Variants in TBC1D23 observed in about 807,000 individuals in gnomAD.
TBC1D23 encodes TBC1 domain family member 23.
Under a neutral mutation model 91.4 loss-of-function variants are expected in TBC1D23, and 55 were observed. That is an observed-to-expected ratio of 0.60 (90% confidence interval 0.48 to 0.75). The LOEUF is 0.75. Among genes scored for constraint, TBC1D23 ranks in the 30% least tolerant of loss-of-function variants. TBC1D23 has a pLI of 0.00. For synonymous variants in TBC1D23, 289 were observed against 281.0 expected (o/e 1.03, Z -0.28); for missense variants, 725 against 836.1 (o/e 0.87, Z 1.64).
chr3:100,285,171 C>A (rs1258700226), intron 4 of TBC1D23, among the ~76,000 whole-genome samples: 1 of 152,082 alleles, frequency 6.6e-6, no homozygotes, highest in Non-Finnish European at 1.5e-5. Context: ...TTAATGTGTA[C>A]AATTCACTGG....
chr3:100,320,222 CGTATT>C (rs141551984), intron 17 of TBC1D23, among the ~76,000 whole-genome samples: 2,238 of 151,954 alleles, frequency 0.015, 50 homozygotes, highest in African/African-American at 0.05. Context: ...TGATAACTGT[CGTATT>C]GTATTACTGT....
In TBC1D23 at chr3:100,279,778, T is replaced by C. The variant is rs1235319365; in HGVS notation, c.165+18T>C. ...TTTGGAAGGTAACTAGAAACTAAAA[T>C]GAATAAAATGTAATCACTGAAGAAT... is the stretch of plus-strand genomic sequence containing the variant. On this transcript the variant is annotated intron_variant, in intron 2 of 18. Coordinates refer to ENST00000394144, the MANE Select transcript of TBC1D23 (RefSeq NM_001199198.3). 7.1e-7 allele frequency: 1 copy of C among 1,412,212 alleles called. No homozygotes were observed. Among genetic ancestry groups the C allele is most frequent in the Non-Finnish European group, 9.9e-7 (1 of 1,013,018 alleles). The allele number at this position is 1,412,212 out of a possible 1,614,324, so 87.5% of individuals were successfully genotyped here.
chr3:100,268,004 T>A (rs547291039), intron 1 of TBC1D23, among the ~76,000 whole-genome samples: 61 of 151,876 alleles, frequency 4.0e-4, no homozygotes, highest in Non-Finnish European at 6.8e-4. Context: ...GGCCTCGTCT[T>A]TACTAAAAAT....
chr3:100,280,706 T>G (rs1469535538), intron 2 of TBC1D23, among the ~76,000 whole-genome samples: 1 of 152,172 alleles, frequency 6.6e-6, no homozygotes, highest in Non-Finnish European at 1.5e-5. Flanking sequence ...AGAACTTGTA[T>G]AATGAACTCC....
intron 1 of TBC1D23, among the ~76,000 whole-genome samples, chr3:100,264,580 T>A (rs1477832073): frequency 6.6e-6 from 1 of 152,226 alleles, no homozygotes; most frequent in Admixed American, 6.5e-5. Context: ...TTAGGGCCTA[T>A]CTAGACAAAT....
At chr3:100,290,455 T>C (rs1374767347) in intron 4 of TBC1D23, 123 bp from the exon 5 acceptor site, 10 of 837,812 alleles carry the variant, frequency 1.2e-5, no homozygotes, top group Non-Finnish European at 1.9e-5. Flanking sequence ...AAGAGACCTC[T>C]GCCTGCTACT....
chr3:100,304,695 C>G, intron 11 of TBC1D23, 151 bp from the exon 12 acceptor site: 1 of 613,796 alleles, frequency 1.6e-6, no homozygotes, highest in Non-Finnish European at 2.9e-6. Context: ...GGATATACCT[C>G]TCTCTGCCAA....
intron 17 of TBC1D23, among the ~76,000 whole-genome samples, chr3:100,319,454 G>A (rs1156979065): frequency 1.3e-5 from 2 of 151,680 alleles, no homozygotes; most frequent in African/African-American, 2.4e-5. Context: ...TTGAGACGGA[G>A]TTTTGCTCTT....
At chr3:100,273,194 G>A (rs2067615155) in intron 1 of TBC1D23, among the ~76,000 whole-genome samples, 1 of 152,220 alleles carries the variant, frequency 6.6e-6, no homozygotes, top group Admixed American at 6.5e-5. Context: ...GGGTACTTGA[G>A]ATTAGGGAGT....
intron 15 of TBC1D23, among the ~76,000 whole-genome samples, chr3:100,315,387 C>T (rs538530509): frequency 6.6e-6 from 1 of 152,030 alleles, no homozygotes; most frequent in South Asian, 2.1e-4. Flanking sequence ...GTCTTGAACT[C>T]CCGACCTCAG....
chr3:100,287,161 A>G (rs2067751110), intron 4 of TBC1D23, among the ~76,000 whole-genome samples: 1 of 151,700 alleles, frequency 6.6e-6, no homozygotes, highest in Non-Finnish European at 1.5e-5. Flanking sequence ...CACCCAGACT[A>G]GAGTGGAGTT....
In TBC1D23 at chr3:100,299,172, A is replaced by T. The variant is rs1340357865; in HGVS notation, c.1000-67A>T. ...TGTTCCCTTTATTTGGTTAACTGTG[A>T]ATATTATGTTGTGCAATGTGAACCT... On this transcript the variant is annotated intron_variant, in intron 9 of 18. Coordinates refer to ENST00000394144, the MANE Select transcript of TBC1D23 (RefSeq NM_001199198.3). The T allele has an allele frequency of 6.0e-6, 6 of 1,005,518 alleles. No individual in the cohort carries two copies. The African/African-American group carries it at 9.7e-5, about 16-fold the overall frequency. The allele number at this position is 1,005,518 out of a possible 1,614,324, so 62.3% of individuals were successfully genotyped here. A position where few individuals can be genotyped will look rare whatever the true frequency, so the allele number is the denominator to read the frequency against.
At chr3:100,293,190 G>A (rs1191256813) in intron 5 of TBC1D23, among the ~76,000 whole-genome samples, 1 of 152,050 alleles carries the variant, frequency 6.6e-6, no homozygotes, top group African/African-American at 2.4e-5. Context: ...CTGGAGTGCA[G>A]TGGCATGATC....
chr3:100,298,419 C>T (rs1705346511), intron 9 of TBC1D23, among the ~76,000 whole-genome samples: 1 of 152,110 alleles, frequency 6.6e-6, no homozygotes, highest in African/African-American at 2.4e-5. Context: ...TGGTTTAGTT[C>T]CATACAACTT....
chr3:100,289,586 G>T (rs563703504), intron 4 of TBC1D23, among the ~76,000 whole-genome samples: 31 of 152,252 alleles, frequency 2.0e-4, no homozygotes, highest in Non-Finnish European at 4.3e-4. Context: ...ATGCTTGGGT[G>T]CCTGGGTAGA....
intron 13 of TBC1D23, among the ~76,000 whole-genome samples, chr3:100,307,913 T>C (rs575636806): frequency 6.6e-4 from 100 of 152,348 alleles, no homozygotes; most frequent in Admixed American, 1.4e-3. Flanking sequence ...TTGATTAAAA[T>C]GTTACCAAAG....
chr3:100,310,225 A>T (rs2148868640), intron 13 of TBC1D23, among the ~76,000 whole-genome samples, 178 bp from the exon 14 acceptor site: 1 of 152,198 alleles, frequency 6.6e-6, no homozygotes, highest in East Asian at 1.9e-4. Flanking sequence ...AACCTTAATT[A>T]TGCCTGTAGA....
At chr3:100,294,444 A>G (rs1374051403) in intron 5 of TBC1D23, among the ~76,000 whole-genome samples, 5 of 151,958 alleles carry the variant, frequency 3.3e-5, no homozygotes, top group East Asian at 1.9e-4. Flanking sequence ...TATTTTTAGT[A>G]GAGACGGGGT....
intron 18 of TBC1D23, among the ~76,000 whole-genome samples, chr3:100,322,685 T>C (rs936851389): frequency 2.0e-5 from 3 of 152,228 alleles, no homozygotes; most frequent in Non-Finnish European, 4.4e-5. Context: ...CTCTCATGTA[T>C]AGTAAAAGTT....
Sources: allele counts gnomAD v4.1 joint callset (sites outside exome capture counted in the v4.1 genomes callset), GRCh38; gene constraint gnomAD v4.1.1; transcripts MANE v1.5; gene names NCBI Gene and HGNC (gene_info 2026-07-23, HGNC 2026-07-21).